FOXRED2: variants seen among roughly 807,000 people sequenced by gnomAD.
FOXRED2 encodes the protein FAD dependent oxidoreductase domain containing 2, also known as FAD-dependent oxidoreductase domain-containing protein 2.
Under a neutral mutation model 52.5 loss-of-function variants are expected in FOXRED2, and 32 were observed. That is an observed-to-expected ratio of 0.61 (90% CI 0.46 to 0.82). FOXRED2 has a LOEUF of 0.82. FOXRED2 is among the 40% of genes least tolerant of loss of function. The pLI, the probability that FOXRED2 is intolerant of heterozygous loss-of-function variation, is 0.00. For synonymous variants in FOXRED2, 405 were observed against 398.1 expected (o/e 1.02, Z -0.21); for missense variants, 848 against 937.5 (o/e 0.90, Z 1.25).
intron 6 of FOXRED2, among the ~76,000 whole-genome samples, chr22:36,496,583 G>A (rs1273230893): frequency 2.6e-5 from 4 of 152,230 alleles, no homozygotes; most frequent in Non-Finnish European, 4.4e-5. Flanking sequence ...AGAGGTCAAG[G>A]AGGGCTGCGC....
chr22:36,489,658 G>A lies in FOXRED2; in HGVS notation c.*350C>T. ...GAAGCACTCCACAGGCGGGATGCAG[G>A]CCCATCTGAGGAGGGGCTTGGAAGG... On this transcript the variant is annotated 3_prime_UTR_variant, in exon 9 of 9. Transcript: ENST00000397224. 4.5e-6 allele frequency: 1 copy of A among 220,190 alleles called. No individual in the cohort carries two copies. The highest frequency in any genetic ancestry group is 8.9e-6 in the Non-Finnish European group (1 of 112,158). 13.6% of individuals were successfully genotyped at this position (220,190 alleles called of 1,614,324 possible). A position where few individuals can be genotyped will look rare whatever the true frequency, so the allele number is the denominator to read the frequency against.
Position 36,493,640 on chromosome 22 carries a change from G to A in FOXRED2, c.1788C>T (p.Phe596=), listed in dbSNP as rs566752752. ...ENCLDTDLRS[F]YAESCFLFAL... ...TCTGGGAGCTTAAGTTACCTGCATA[G>A]AAGCTTCGCAAATCGGTGTCCAAAC... The change falls in exon 8 of 9, where the codon TTC becomes TTT. Residue 596 remains phenylalanine, a synonymous_variant. Coordinates refer to ENST00000397224, the MANE Select transcript of FOXRED2 (RefSeq NM_001102371.2). 2.0e-5 allele frequency: 33 copies of A among 1,614,054 alleles called. No homozygotes were observed. The East Asian group carries it at 6.7e-4, about 33-fold the overall frequency.
In FOXRED2 at chr22:36,498,118, T is replaced by C. The variant is rs1933951797; in HGVS notation, c.1255A>G (p.Ser419Gly). The part of the protein sequence containing the change: ...VHRLLEHRHH[S>G]VTWPATELPI... ...AGCTCAGTGGCGGGCCAGGTGACGC[T>C]GTGGTGGCGGTGCTCCAGGAGCCGG... The change falls in exon 6 of 9, where the codon AGC (serine) becomes GGC (glycine). Residue 419 changes from serine to glycine, a missense_variant. Transcript: ENST00000397224. The C allele has an allele frequency of 4.3e-6, 7 of 1,612,552 alleles. No homozygotes were observed. The highest frequency in any genetic ancestry group is 2.7e-5 in the African/African-American group (2 of 74,874).
intron 8 of FOXRED2, among the ~76,000 whole-genome samples, chr22:36,492,418 A>G (rs1037728165): frequency 3.3e-5 from 5 of 152,194 alleles, no homozygotes; most frequent in African/African-American, 1.2e-4. Flanking sequence ...CAGTGTCTAG[A>G]AAGTGGGAGA....
At chr22:36,499,927 G>A (rs5995294) in intron 5 of FOXRED2, among the ~76,000 whole-genome samples, 26,213 of 152,020 alleles carry the variant, frequency 0.17, 3,489 homozygotes, top group African/African-American at 0.37. Context: ...TCAGCATCCC[G>A]AGTAGTTGGG....
chr22:36,501,754 C>T (rs1304829646), intron 4 of FOXRED2, among the ~76,000 whole-genome samples: 2 of 152,160 alleles, frequency 1.3e-5, no homozygotes, highest in Non-Finnish European at 2.9e-5. Flanking sequence ...AGCCACTGCA[C>T]CCAGCCAGGA....
chr22:36,504,729 G>C lies in FOXRED2; in HGVS notation c.565C>G (p.Gln189Glu), dbSNP rs1172811031. The change falls in exon 3 of 9, where the codon CAG (glutamine) becomes GAG (glutamate). Residue 189 changes from glutamine (Q) to glutamate (E), a missense_variant. Transcript: ENST00000397224. Reference protein sequence around the residue: ...FVATGLSVPNQVDFPGSEYAE... With the variant: ...FVATGLSVPNEVDFPGSEYAE... Reference sequence around the variant, plus strand: ...TATTCGGAGCCAGGGAAGTCAACCTGGTTGGGGACTGATAAACCAGTGGCT... The same window carrying C: ...TATTCGGAGCCAGGGAAGTCAACCTCGTTGGGGACTGATAAACCAGTGGCT... 1.9e-6 allele frequency: 3 copies of C among 1,614,002 alleles called. No homozygotes were observed. The highest frequency in any genetic ancestry group is 2.7e-5 in the African/African-American group (2 of 74,902).
chr22:36,503,975 T>A, intron 4 of FOXRED2, 123 bp downstream of exon 4: 1 of 1,078,322 alleles, frequency 9.3e-7, no homozygotes, highest in Non-Finnish European at 1.4e-6. Context: ...AGCACTCACA[T>A]CCATTCTTTG....
At position 36,505,753 on chromosome 22, in the gene FOXRED2, A is replaced by G. The variant is rs562311937; in HGVS notation, c.527+143T>C. ...GCCATTGCACTCCAGCCTGGGCGACAGAGTGAGACTCCGTCTTAAAAAAAA... is the reference window on the plus strand; with the variant it reads ...GCCATTGCACTCCAGCCTGGGCGACGGAGTGAGACTCCGTCTTAAAAAAAA... On this transcript the variant is annotated intron_variant, in intron 2 of 8. Transcript: ENST00000397224. The G allele has an allele frequency of 3.8e-5, 34 of 903,060 alleles. No homozygotes were observed. The Middle Eastern group carries it at 1.1e-3, about 29-fold the overall frequency. 55.9% of individuals were successfully genotyped at this position (903,060 alleles called of 1,614,324 possible).
At chr22:36,501,212 G>C in intron 5 of FOXRED2, 29 bp downstream of exon 5, 2 of 1,610,870 alleles carry the variant, frequency 1.2e-6, no homozygotes, top group Non-Finnish European at 1.7e-6. Context: ...TCCGTCTGGG[G>C]ACAGTTCTGC....
rs748245109 is a variant in FOXRED2, at chr22:36,504,696, C to T, written c.598G>A (p.Gly200Ser). The T allele has an allele frequency of 1.2e-6, 2 of 1,614,162 alleles. No homozygotes were observed. Among genetic ancestry groups the T allele is most frequent in the Admixed American group, 1.7e-5 (1 of 60,008 alleles). ...GGGTCCACGGACACGGACTCGTAAC[C>T]CTCTGCATATTCGGAGCCAGGGAAG... ...VDFPGSEYAE[G>S]YESVSVDPED... Residue 200 changes from glycine to serine, a missense_variant, in exon 3 of 9, where the codon GGT (glycine) becomes AGT (serine). Coordinates refer to ENST00000397224, the MANE Select transcript of FOXRED2 (RefSeq NM_001102371.2).
intron 6 of FOXRED2, among the ~76,000 whole-genome samples, chr22:36,496,967 G>C (rs1933916499): frequency 6.6e-6 from 1 of 152,194 alleles, no homozygotes; most frequent in African/African-American, 2.4e-5. Context: ...GATCACCTGA[G>C]GTCAGGAGTT....
intron 7 of FOXRED2, 116 bp from the exon 8 acceptor site, chr22:36,493,919 G>A (rs1290204116): frequency 9.0e-6 from 8 of 889,704 alleles, no homozygotes; most frequent in Admixed American, 5.3e-5. Flanking sequence ...ACTCGTGCTC[G>A]GCTTTCCCGA....
intron 4 of FOXRED2, among the ~76,000 whole-genome samples, 177 bp from the exon 5 acceptor site, chr22:36,501,584 C>G (rs1934051514): frequency 6.6e-6 from 1 of 152,092 alleles, no homozygotes; most frequent in Non-Finnish European, 1.5e-5. Context: ...CCTGAGCCTC[C>G]CGAGTAGCTG....
intron 8 of FOXRED2, among the ~76,000 whole-genome samples, chr22:36,492,094 C>A (rs1028417225): frequency 1.3e-5 from 2 of 152,170 alleles, no homozygotes; most frequent in African/African-American, 4.8e-5. Context: ...CTGTTTATTT[C>A]TGACTCTTAG....
chr22:36,497,920 G>A, intron 6 of FOXRED2, 71 bp downstream of exon 6: 1 of 1,512,548 alleles, frequency 6.6e-7, no homozygotes, highest in Non-Finnish European at 9.0e-7. Context: ...ACCTGGAATA[G>A]GAAGAGAAGC....
intron 5 of FOXRED2, among the ~76,000 whole-genome samples, chr22:36,499,827 G>A (rs897072196): frequency 6.6e-6 from 1 of 152,082 alleles, no homozygotes; most frequent in Non-Finnish European, 1.5e-5. Flanking sequence ...TTGAGACAGA[G>A]TTTCACTCTT....
chr22:36,504,276 C>T lies in FOXRED2; in HGVS notation c.871G>A (p.Asp291Asn). Residue 291 changes from aspartate (D) to asparagine (N), a missense_variant, in exon 4 of 9, where the codon GAC becomes AAC. Physicochemically the swap from Asp to Asn is conservative, Grantham distance 23. Transcript: ENST00000397224. ...SDLTDLAILK[D>N]SKGKFHVTPK... ...GTGACATGGAACTTGCCTTTGCTGT[C>T]CTTCAGGATGGCCAGATCCGTCAGG... is the stretch of plus-strand genomic sequence containing the variant. 1 of 1,614,166 alleles carries T rather than the reference C, an allele frequency of 6.2e-7. No homozygotes were observed.
At chr22:36,493,438 C>CA (rs112901270) in intron 8 of FOXRED2, among the ~76,000 whole-genome samples, 195 bp downstream of exon 8, 13,402 of 130,360 alleles carry the variant, frequency 0.1, 1,971 homozygotes, top group African/African-American at 0.33. Flanking sequence ...GACTCCATCT[C>CA]AAAAAAAAAA....
Sources: gnomAD v4.1 joint callset for allele counts (sites outside exome capture counted in the v4.1 genomes callset) on GRCh38, gnomAD v4.1.1 for gene constraint, MANE v1.5 for transcripts, NCBI Gene and HGNC (gene_info 2026-07-23, HGNC 2026-07-21) for gene names.